ADAMTSL1: variants seen among roughly 807,000 people sequenced by gnomAD.
ADAMTSL1 encodes ADAMTS like 1, also known as ADAMTS-like protein 1.
Under a neutral mutation model 201.8 loss-of-function variants are expected in ADAMTSL1, and 126 were observed. The observed-to-expected ratio is 0.62, with a 90% CI of 0.54 to 0.72. The LOEUF (loss-of-function observed/expected upper bound fraction) is 0.72, where lower values mean the gene tolerates loss of function less well. ADAMTSL1 is among the 30% of genes least tolerant of loss of function. The pLI is 0.00. For missense variants in ADAMTSL1, 2,679 were observed against 2,277.8 expected, an observed-to-expected ratio of 1.18 and a Z score of -3.59; for synonymous variants, 1,121 against 903.4, an observed-to-expected ratio of 1.24 and a Z score of -4.32.
chr9:17,943,686 G>T (rs930148175), intron 1 of ADAMTSL1, among the ~76,000 whole-genome samples: 1 of 151,960 alleles, frequency 6.6e-6, no homozygotes, highest in Non-Finnish European at 1.5e-5. Flanking sequence ...CATGAATATG[G>T]ATTCTTATTT....
chr9:18,276,969 G>A (rs1307084598), intron 2 of ADAMTSL1, among the ~76,000 whole-genome samples: 3 of 152,138 alleles, frequency 2.0e-5, no homozygotes, highest in Non-Finnish European at 4.4e-5. Flanking sequence ...TTGGTCTCAA[G>A]ATTTTTAAAT....
At chr9:18,182,807 G>A (rs1176456720) in intron 2 of ADAMTSL1, among the ~76,000 whole-genome samples, 1 of 152,142 alleles carries the variant, frequency 6.6e-6, no homozygotes, top group Non-Finnish European at 1.5e-5. Context: ...AGTAGAATGC[G>A]GGTTACAGTT....
intron 1 of ADAMTSL1, among the ~76,000 whole-genome samples, chr9:18,085,471 A>G (rs1336159866): frequency 3.4e-5 from 2 of 58,248 alleles, no homozygotes; most frequent in East Asian, 5.2e-4. Context: ...ACAAATACAC[A>G]TATGTGTGTG....
chr9:18,261,012 C>CTT (rs3085417), intron 2 of ADAMTSL1, among the ~76,000 whole-genome samples: 27 of 104,246 alleles, frequency 2.6e-4, no homozygotes, highest in African/African-American at 5.5e-4. Flanking sequence ...TTTCCTTTTT[C>CTT]TTTTTTTTTT....
At chr9:18,743,118 C>G (rs1292581537) in intron 15 of ADAMTSL1, among the ~76,000 whole-genome samples, 3 of 152,134 alleles carry the variant, frequency 2.0e-5, no homozygotes, top group Non-Finnish European at 4.4e-5. Flanking sequence ...TGTGCTATCA[C>G]TCAGAAGACA....
At chr9:18,174,919 T>G (rs1828070632) in intron 2 of ADAMTSL1, among the ~76,000 whole-genome samples, 2 of 152,204 alleles carry the variant, frequency 1.3e-5, no homozygotes, top group Admixed American at 1.3e-4. Flanking sequence ...TTGTGTGTGT[T>G]ATTAAGTTCA....
At chr9:18,221,595 C>T (rs1301346061) in intron 2 of ADAMTSL1, among the ~76,000 whole-genome samples, 4 of 152,026 alleles carry the variant, frequency 2.6e-5, no homozygotes, top group Admixed American at 6.6e-5. Flanking sequence ...AGTTCTTTTG[C>T]TACATTATGC....
In ADAMTSL1 at chr9:18,186,585, G is replaced by C. The variant is rs1013732608; in HGVS notation, c.207+22604G>C. Among the ~76,000 whole-genome samples the C allele has an allele frequency of 7.2e-5, 11 of 152,130 alleles. No individual in the cohort carries two copies. The South Asian group carries it at 8.3e-4, about 11-fold the overall frequency. On this transcript the variant is annotated intron_variant, in intron 2 of 29. Transcript: ENST00000680146. Reference sequence around the variant, plus strand: ...GCATTTCAGTCCCTTTGACAGAACTGCTTAAAAAAATTATTGCAATATATT... The same window carrying C: ...GCATTTCAGTCCCTTTGACAGAACTCCTTAAAAAAATTATTGCAATATATT...
At chr9:18,711,319 T>C (rs1587954056) in intron 14 of ADAMTSL1, among the ~76,000 whole-genome samples, 1 of 152,162 alleles carries the variant, frequency 6.6e-6, no homozygotes, top group East Asian at 1.9e-4. Flanking sequence ...GATTTCTGCA[T>C]TTCCATCTGA....
At chr9:18,496,983 A>C (rs1417082754) in intron 1 of ADAMTSL1, among the ~76,000 whole-genome samples, 5 of 152,166 alleles carry the variant, frequency 3.3e-5, no homozygotes, top group African/African-American at 1.2e-4. Flanking sequence ...GGGTGTTTCA[A>C]ACATGCCTGT....
Position 18,706,876 on chromosome 9 carries a change from A to T in ADAMTSL1, c.1704A>T (p.Glu568Asp). Residue 568 changes from glutamate (E) to aspartate (D), a missense_variant, in exon 14 of 29, where the codon GAA (glutamate) becomes GAT (aspartate). Transcript: ENST00000380548. Reference sequence around the variant, plus strand: ...CTGACCTGCCTATTGACGAGTGTGAAGGGCCCAAGCCAGCATCCCAGCGTG... The same window carrying T: ...CTGACCTGCCTATTGACGAGTGTGATGGGCCCAAGCCAGCATCCCAGCGTG... ...SVADLPIDECEGPKPASQRAC... is the reference protein window; with the variant it reads ...SVADLPIDECDGPKPASQRAC... The T allele has an allele frequency of 1.2e-6, 2 of 1,613,790 alleles. No homozygotes were observed. The highest frequency in any genetic ancestry group is 1.7e-6 in the Non-Finnish European group (2 of 1,179,804).
At chr9:18,342,160 AT>A (rs1426373192) in intron 2 of ADAMTSL1, among the ~76,000 whole-genome samples, 1 of 152,090 alleles carries the variant, frequency 6.6e-6, no homozygotes, top group African/African-American at 2.4e-5. Flanking sequence ...CCCAGTGTCT[AT>A]ACGTGGGGCT....
At chr9:18,245,691 A>G (rs1030230587) in intron 2 of ADAMTSL1, among the ~76,000 whole-genome samples, 1 of 150,998 alleles carries the variant, frequency 6.6e-6, no homozygotes, top group Admixed American at 6.6e-5. Flanking sequence ...AAATAAGAAC[A>G]CAGTCCCTCC....
At chr9:18,011,688 G>T (rs531990699) in intron 1 of ADAMTSL1, among the ~76,000 whole-genome samples, 2 of 152,032 alleles carry the variant, frequency 1.3e-5, no homozygotes, top group South Asian at 4.1e-4. Context: ...GAGCTCAAAG[G>T]AGTGTCAAAT....
intron 1 of ADAMTSL1, among the ~76,000 whole-genome samples, chr9:18,127,795 T>A (rs1325132950): frequency 6.6e-6 from 1 of 152,102 alleles, no homozygotes; most frequent in East Asian, 1.9e-4. Context: ...AAACTTGCCA[T>A]GTTTTGGAAG....
At chr9:18,664,321 T>C (rs1267337778) in intron 9 of ADAMTSL1, among the ~76,000 whole-genome samples, 1 of 151,998 alleles carries the variant, frequency 6.6e-6, no homozygotes, top group Admixed American at 6.6e-5. Flanking sequence ...TTAGATAGAA[T>C]AGACTCCAGA....
At chr9:18,501,503 C>CAAA (rs397894789) in intron 1 of ADAMTSL1, among the ~76,000 whole-genome samples, 37 of 93,066 alleles carry the variant, frequency 4.0e-4, no homozygotes, top group African/African-American at 1.8e-3. Context: ...GACACGGTCT[C>CAAA]AAAAAAAAAA....
At chr9:18,230,805 T>C (rs1021568543) in intron 2 of ADAMTSL1, among the ~76,000 whole-genome samples, 6 of 152,174 alleles carry the variant, frequency 3.9e-5, no homozygotes, top group East Asian at 3.8e-4. Context: ...TGGTCATAAA[T>C]TTTTAGGCAC....
chr9:17,932,839 G>C (rs1826852899), intron 1 of ADAMTSL1, among the ~76,000 whole-genome samples: 1 of 152,076 alleles, frequency 6.6e-6, no homozygotes, highest in Non-Finnish European at 1.5e-5. Context: ...AATTTCTTCA[G>C]GAATCCATAA....
Sources: allele counts gnomAD v4.1 joint callset (sites outside exome capture counted in the v4.1 genomes callset), GRCh38; gene constraint gnomAD v4.1.1; transcripts MANE v1.5; gene names NCBI Gene and HGNC (gene_info 2026-07-23, HGNC 2026-07-21).